The following SEC23A variants were observed in gnomAD, a reference collection of about 807,000 sequenced individuals.
SEC23A encodes the protein protein transport protein Sec23A.
In SEC23A, 56 loss-of-function variants were observed where a neutral mutation model predicts 103.7. The observed-to-expected ratio is 0.54, with a 90% CI of 0.44 to 0.67. The LOEUF is 0.67. Ranked by LOEUF, SEC23A falls within the 30% of genes least tolerant of loss-of-function variation. SEC23A has a pLI of 0.00. For missense variants in SEC23A, 784 were observed against 936.4 expected, an observed-to-expected ratio of 0.84 and a Z score of 2.12; for synonymous variants, 281 against 293.0, an observed-to-expected ratio of 0.96 and a Z score of 0.42.
At chr14:39,098,035 G>T (rs1033230610) in intron 1 of SEC23A, among the ~76,000 whole-genome samples, 2 of 151,946 alleles carry the variant, frequency 1.3e-5, no homozygotes, top group Non-Finnish European at 2.9e-5. Flanking sequence ...GTTGTGGTGA[G>T]CTGAGATTGC....
chr14:39,080,065 T>C (rs183131167), intron 7 of SEC23A, among the ~76,000 whole-genome samples: 1 of 152,106 alleles, frequency 6.6e-6, no homozygotes, highest in Admixed American at 6.5e-5. Flanking sequence ...CAAATAAAAC[T>C]ATATACAGAT....
chr14:39,084,500 C>G (rs984461704), intron 7 of SEC23A, among the ~76,000 whole-genome samples: 2 of 152,128 alleles, frequency 1.3e-5, no homozygotes, highest in Admixed American at 1.3e-4. Flanking sequence ...AAACACTTCA[C>G]GTAGATAAAA....
At chr14:39,098,503 C>T (rs1594491377) in intron 1 of SEC23A, among the ~76,000 whole-genome samples, 1 of 152,120 alleles carries the variant, frequency 6.6e-6, no homozygotes, top group Non-Finnish European at 1.5e-5. Flanking sequence ...AGGCCAGGCA[C>T]AGTGGCTCAC....
intron 13 of SEC23A, among the ~76,000 whole-genome samples, chr14:39,056,314 G>T (rs942253110): frequency 1.7e-4 from 26 of 152,162 alleles, no homozygotes; most frequent in African/African-American, 6.3e-4. Flanking sequence ...CACAACATTA[G>T]TAGAGAGGGG....
intron 11 of SEC23A, 43 bp from the exon 12 acceptor site, chr14:39,063,456 A>G: frequency 8.1e-7 from 1 of 1,229,406 alleles, no homozygotes; most frequent in Non-Finnish European, 1.2e-6. Flanking sequence ...TAGAGACACA[A>G]TTTATTAATT....
chr14:39,061,663 C>G (rs1476812280), intron 13 of SEC23A, 102 bp downstream of exon 13: 1 of 789,992 alleles, frequency 1.3e-6, no homozygotes, highest in African/African-American at 1.7e-5. Context: ...CACAAATATT[C>G]ACTTGCTAGT....
chr14:39,093,318 AAATT>A, intron 2 of SEC23A, 74 bp from the exon 3 acceptor site: 1 of 1,207,090 alleles, frequency 8.3e-7, no homozygotes, highest in South Asian at 1.3e-5. Flanking sequence ...AATTTCAATA[AAATT>A]AATTTCTTCC....
At chr14:39,036,486 CT>C (rs1885466513) in intron 19 of SEC23A, among the ~76,000 whole-genome samples, 1 of 151,930 alleles carries the variant, frequency 6.6e-6, no homozygotes, top group African/African-American at 2.4e-5. Flanking sequence ...TTTTTGGCCC[CT>C]AACTCCAGCC....
At chr14:39,070,713 CT>C (rs1479887544) in intron 9 of SEC23A, among the ~76,000 whole-genome samples, 1 of 152,044 alleles carries the variant, frequency 6.6e-6, no homozygotes, top group Non-Finnish European at 1.5e-5. Context: ...AAATCCACAG[CT>C]AATATCTTCT....
intron 8 of SEC23A, among the ~76,000 whole-genome samples, chr14:39,075,221 TAA>T (rs1784357113): frequency 6.6e-6 from 1 of 152,144 alleles, no homozygotes; most frequent in South Asian, 2.1e-4. Flanking sequence ...TAAATGAATC[TAA>T]AACCTTTTTT....
At chr14:39,036,596 C>T (rs971307730) in intron 19 of SEC23A, among the ~76,000 whole-genome samples, 7 of 152,126 alleles carry the variant, frequency 4.6e-5, no homozygotes, top group South Asian at 4.1e-4. Flanking sequence ...CTTCACCCTT[C>T]TTACCTTTTG....
rs1885606613 is a variant in SEC23A, at chr14:39,040,640, T to C, written c.2142+92A>G. On this transcript the variant is annotated intron_variant, in intron 18 of 19. Transcript: ENST00000307712. ...TCTCCTTACCTTTCTGTCTGCTTTA[T>C]GAAGCAATCTATTAAAATCAGAAGG... The C allele has an allele frequency of 1.0e-5, 15 of 1,496,834 alleles. No individual in the cohort carries two copies. In the South Asian group the frequency reaches 1.7e-4, roughly 17 times the overall value. 92.7% of individuals were successfully genotyped at this position (1,496,834 alleles called of 1,614,324 possible). A position where few individuals can be genotyped will look rare whatever the true frequency, so the allele number is the denominator to read the frequency against.
At chr14:39,069,134 A>G (rs1886763793) in intron 9 of SEC23A, among the ~76,000 whole-genome samples, 1 of 152,144 alleles carries the variant, frequency 6.6e-6, no homozygotes, top group Non-Finnish European at 1.5e-5. Flanking sequence ...GTAAACCTCT[A>G]TGAAGGAATT....
intron 9 of SEC23A, among the ~76,000 whole-genome samples, chr14:39,070,621 T>C (rs1290928907): frequency 1.3e-5 from 2 of 152,244 alleles, no homozygotes; most frequent in Admixed American, 6.5e-5. Context: ...ATCATATCAA[T>C]AGCTATAGAA....
At chr14:39,095,802 G>A (rs1386892868) in intron 2 of SEC23A, 96 bp downstream of exon 2, 1 of 1,026,380 alleles carries the variant, frequency 9.7e-7, no homozygotes, top group Non-Finnish European at 1.5e-6. Flanking sequence ...AAATTAGTAT[G>A]AACAAAAACA....
rs141614689 is a variant in SEC23A, at chr14:39,085,682, T to TTA, written c.828+78_828+79dup. ...ACTTTGGTTCTTCTTATCCTTATAA[T>TTA]TATATATACACACACACACACACAC... On this transcript the variant is annotated intron_variant, in intron 7 of 19. Transcript: ENST00000307712. The TTA allele has an allele frequency of 7.9e-3, 9,080 of 1,147,574 alleles. 198 individuals are homozygous for TTA. The highest frequency in any genetic ancestry group is 9.7e-3 in the Non-Finnish European group (7,993 of 820,842). The allele number at this position is 1,147,574 out of a possible 1,614,324, so 71.1% of individuals were successfully genotyped here. A position where few individuals can be genotyped will look rare whatever the true frequency, so the allele number is the denominator to read the frequency against.
chr14:39,060,103 A>ATGTGTGTGTGTGTGCACACACATG (rs1555327789), intron 13 of SEC23A, among the ~76,000 whole-genome samples: 1 of 151,016 alleles, frequency 6.6e-6, no homozygotes, highest in Non-Finnish European at 1.5e-5. Context: ...GTGCACACAC[A>ATGTGTGTGTGTGTGCACACACATG]TGTGTGTGTG....
At chr14:39,060,018 G>T (rs1886418881) in intron 13 of SEC23A, among the ~76,000 whole-genome samples, 1 of 152,060 alleles carries the variant, frequency 6.6e-6, no homozygotes, top group African/African-American at 2.4e-5. Context: ...CAGTGACTTT[G>T]TAAGTTGTAA....
intron 1 of SEC23A, among the ~76,000 whole-genome samples, chr14:39,098,083 C>G (rs1366647407): frequency 6.7e-6 from 1 of 149,304 alleles, no homozygotes; most frequent in East Asian, 2.0e-4. Flanking sequence ...AACAAGACTC[C>G]ATCTCAAAAA....
Sources: allele counts gnomAD v4.1 joint callset (sites outside exome capture counted in the v4.1 genomes callset), GRCh38; gene constraint gnomAD v4.1.1; transcripts MANE v1.5; gene names NCBI Gene and HGNC (gene_info 2026-07-23, HGNC 2026-07-21).